Variants in KCNIP4 observed in about 807,000 individuals in gnomAD.
KCNIP4 encodes the protein potassium voltage-gated channel interacting protein 4, also known as Kv channel-interacting protein 4.
KCNIP4 carries 12 observed loss-of-function variants against 34.0 expected under a neutral mutation model. That is an observed-to-expected ratio of 0.35 (90% CI 0.23 to 0.57). KCNIP4 has a LOEUF of 0.57. Among genes scored for constraint, KCNIP4 ranks in the 20% least tolerant of loss-of-function variants. The pLI, the probability that KCNIP4 is intolerant of heterozygous loss-of-function variation, is 0.83. For synonymous variants in KCNIP4, 124 were observed against 102.2 expected (o/e 1.21, Z -1.29); for missense variants, 238 against 311.7 (o/e 0.76, Z 1.78).
chr4:21,838,387 C>A (rs550468736), intron 1 of KCNIP4, among the ~76,000 whole-genome samples: 50 of 152,292 alleles, frequency 3.3e-4, no homozygotes, highest in African/African-American at 1.2e-3. Context: ...TCCTAATGTT[C>A]TTCGTGGACT....
intron 1 of KCNIP4, among the ~76,000 whole-genome samples, chr4:21,237,927 A>G (rs971231762): frequency 2.6e-5 from 4 of 152,348 alleles, no homozygotes; most frequent in African/African-American, 9.6e-5. Flanking sequence ...ATACAACAAA[A>G]AAATAGAATT....
intron 1 of KCNIP4, among the ~76,000 whole-genome samples, chr4:21,431,170 TA>T (rs964721787): frequency 5.3e-5 from 8 of 149,564 alleles, no homozygotes; most frequent in East Asian, 3.9e-4. Context: ...CCAATAAATT[TA>T]AAAAAAAAGG....
intron 1 of KCNIP4, among the ~76,000 whole-genome samples, chr4:21,217,491 C>T (rs1021782807): frequency 2.0e-5 from 3 of 152,142 alleles, no homozygotes; most frequent in East Asian, 1.9e-4. Context: ...AATGGTGTTA[C>T]AGCAGGCCAG....
At chr4:20,800,512 C>T (rs533960510) in intron 3 of KCNIP4, among the ~76,000 whole-genome samples, 1 of 152,236 alleles carries the variant, frequency 6.6e-6, no homozygotes, top group South Asian at 2.1e-4. Context: ...CAAGAGAATA[C>T]ACATAGGCGA....
chr4:21,796,337 T>C (rs1215670524), intron 1 of KCNIP4, among the ~76,000 whole-genome samples: 2 of 152,138 alleles, frequency 1.3e-5, no homozygotes, highest in Admixed American at 1.3e-4. Flanking sequence ...TCCCTGTAAG[T>C]CCAAGCCTTC....
At chr4:21,410,872 G>C (rs1177704153) in intron 1 of KCNIP4, among the ~76,000 whole-genome samples, 1 of 152,144 alleles carries the variant, frequency 6.6e-6, no homozygotes, top group East Asian at 1.9e-4. Flanking sequence ...CAAATGTTGG[G>C]ATGAGGGTAC....
intron 1 of KCNIP4, among the ~76,000 whole-genome samples, chr4:21,028,066 T>G (rs930214321): frequency 2.0e-5 from 3 of 152,192 alleles, no homozygotes; most frequent in Non-Finnish European, 4.4e-5. Context: ...TTGATGAAAG[T>G]GCCATCCTTT....
At chr4:21,649,752 T>C (rs1747328257) in intron 1 of KCNIP4, among the ~76,000 whole-genome samples, 1 of 152,230 alleles carries the variant, frequency 6.6e-6, no homozygotes, top group East Asian at 1.9e-4. Context: ...TGACATTTTC[T>C]CCAAATGCAC....
intron 1 of KCNIP4, among the ~76,000 whole-genome samples, chr4:21,166,262 G>A (rs1205396192): frequency 6.6e-6 from 1 of 152,140 alleles, no homozygotes; most frequent in Non-Finnish European, 1.5e-5. Context: ...AGTTTGAGCA[G>A]ACACTTCCAC....
intron 1 of KCNIP4, among the ~76,000 whole-genome samples, chr4:21,174,901 CAAA>C (rs5856608): frequency 6.0e-5 from 7 of 115,722 alleles, no homozygotes; most frequent in Non-Finnish European, 3.6e-5. Flanking sequence ...GACACTGTCT[CAAA>C]AAAAAAAAAA....
chr4:20,852,207 C>T (rs1047624318), intron 2 of KCNIP4, among the ~76,000 whole-genome samples: 3 of 152,208 alleles, frequency 2.0e-5, no homozygotes, highest in South Asian at 2.1e-4. Flanking sequence ...CCTTGATGAA[C>T]ATAGATGTTA....
intron 1 of KCNIP4, among the ~76,000 whole-genome samples, chr4:21,521,575 C>T (rs1735528325): frequency 6.6e-6 from 1 of 152,120 alleles, no homozygotes; most frequent in Non-Finnish European, 1.5e-5. Flanking sequence ...ATAACATCAT[C>T]ATATCAAAAA....
At chr4:21,260,618 A>G (rs896722450) in intron 1 of KCNIP4, among the ~76,000 whole-genome samples, 4 of 152,206 alleles carry the variant, frequency 2.6e-5, no homozygotes, top group African/African-American at 4.8e-5. Context: ...AAGACTAGTC[A>G]CAAACATGCA....
At chr4:21,861,625 C>G (rs896080104) in intron 1 of KCNIP4, among the ~76,000 whole-genome samples, 7 of 144,354 alleles carry the variant, frequency 4.8e-5, no homozygotes, top group African/African-American at 1.8e-4. Flanking sequence ...CCACTGCACT[C>G]CAGCCTGGGC....
At chr4:21,717,490 G>C (rs1714476226) in intron 1 of KCNIP4, among the ~76,000 whole-genome samples, 1 of 152,090 alleles carries the variant, frequency 6.6e-6, no homozygotes, top group African/African-American at 2.4e-5. Flanking sequence ...CTCAAAAAAA[G>C]CTGAGCCTTT....
At chr4:21,827,410 T>C (rs1053946306) in intron 1 of KCNIP4, among the ~76,000 whole-genome samples, 1 of 152,060 alleles carries the variant, frequency 6.6e-6, no homozygotes, top group Non-Finnish European at 1.5e-5. Context: ...TTTTGCAGTA[T>C]AGAAGAAACA....
chr4:21,433,925 G>A (rs559171254), intron 1 of KCNIP4, among the ~76,000 whole-genome samples: 34 of 152,234 alleles, frequency 2.2e-4, no homozygotes, highest in African/African-American at 7.2e-4. Flanking sequence ...TTAATAAAGA[G>A]TTACAGGTCA....
At chr4:21,631,765 T>C (rs1361890682) in intron 1 of KCNIP4, among the ~76,000 whole-genome samples, 1 of 152,204 alleles carries the variant, frequency 6.6e-6, no homozygotes, top group Non-Finnish European at 1.5e-5. Context: ...CTCCAAAGTT[T>C]CTAACTCTTG....
chr4:21,926,732 C>T (rs1440028351), intron 1 of KCNIP4, among the ~76,000 whole-genome samples: 3 of 152,164 alleles, frequency 2.0e-5, no homozygotes, highest in African/African-American at 7.2e-5. Context: ...ACCTCTTAGA[C>T]TACCTCTAAG....
Sources: allele counts gnomAD v4.1 joint callset (sites outside exome capture counted in the v4.1 genomes callset), GRCh38; gene constraint gnomAD v4.1.1; transcripts MANE v1.5; gene names NCBI Gene and HGNC (gene_info 2026-07-23, HGNC 2026-07-21).